SPAG16: variants seen among roughly 807,000 people sequenced by gnomAD.
SPAG16 encodes sperm associated antigen 16.
A neutral mutation model predicts 80.4 loss-of-function variants in SPAG16; 86 were observed. That is an observed-to-expected ratio of 1.07 (90% CI 0.90 to 1.28). SPAG16 has a LOEUF of 1.28. Among genes scored for constraint, SPAG16 ranks in the 50% most tolerant of loss-of-function variants. SPAG16 has a pLI of 0.00. For missense variants in SPAG16, 870 were observed against 765.3 expected, an observed-to-expected ratio of 1.14 and a Z score of -1.61; for synonymous variants, 294 against 265.9, an observed-to-expected ratio of 1.11 and a Z score of -1.03.
intron 11 of SPAG16, among the ~76,000 whole-genome samples, chr2:213,879,081 G>C (rs1003311766): frequency 2.6e-5 from 4 of 152,056 alleles, no homozygotes; most frequent in African/African-American, 9.7e-5. Flanking sequence ...GTCAGGTAAT[G>C]TGATGCCTCC....
intron 10 of SPAG16, among the ~76,000 whole-genome samples, chr2:213,834,340 A>G (rs1221937092): frequency 6.6e-6 from 1 of 152,218 alleles, no homozygotes; most frequent in Non-Finnish European, 1.5e-5. Flanking sequence ...AAATGAAAAT[A>G]TGTAGACCCA....
chr2:213,888,297 CTCCTGTTTATAAGTTAGA>C (rs1442491476), intron 11 of SPAG16, among the ~76,000 whole-genome samples: 2 of 151,838 alleles, frequency 1.3e-5, no homozygotes, highest in South Asian at 2.1e-4. Flanking sequence ...TCTGACAAAG[CTCCTGTTTATAAGTTAGA>C]GCATTCAGAG....
rs1322249043 is a variant in SPAG16, at chr2:214,407,148, C to T, written c.1721-2992C>T. Reference sequence around the variant, plus strand: ...AAATACCTTTATAAATCAATTTTGACCATTTTTATTTTTAACCTATTGGTA... The same window carrying T: ...AAATACCTTTATAAATCAATTTTGATCATTTTTATTTTTAACCTATTGGTA... On this transcript the variant is annotated intron_variant, in intron 15 of 15. Transcript: ENST00000331683. 2.0e-5 allele frequency among the ~76,000 whole-genome samples: 3 copies of T among 151,916 alleles called. No homozygotes were observed. In the East Asian group the frequency reaches 5.8e-4, roughly 29 times the overall value.
chr2:214,039,409 A>G (rs1402841521), intron 13 of SPAG16, among the ~76,000 whole-genome samples: 2 of 152,222 alleles, frequency 1.3e-5, no homozygotes, highest in African/African-American at 4.8e-5. Context: ...TCATGTCTAA[A>G]ACACCAAAAG....
At chr2:214,299,065 A>G (rs1004568549) in intron 15 of SPAG16, among the ~76,000 whole-genome samples, 18 of 152,162 alleles carry the variant, frequency 1.2e-4, no homozygotes, top group African/African-American at 4.1e-4. Flanking sequence ...TGTAAAGTGA[A>G]GTAAAAATCT....
At chr2:214,212,547 C>A (rs774857138) in intron 15 of SPAG16, among the ~76,000 whole-genome samples, 2 of 151,848 alleles carry the variant, frequency 1.3e-5, no homozygotes, top group African/African-American at 4.8e-5. Flanking sequence ...GTGATTGTGC[C>A]CTGTATCTGT....
chr2:214,043,782 A>T (rs929893354), intron 13 of SPAG16, among the ~76,000 whole-genome samples: 1 of 152,186 alleles, frequency 6.6e-6, no homozygotes, highest in Non-Finnish European at 1.5e-5. Flanking sequence ...ATTTTTTATT[A>T]AATCCCTTTG....
At chr2:214,208,108 C>T (rs939679245) in intron 15 of SPAG16, among the ~76,000 whole-genome samples, 2 of 152,204 alleles carry the variant, frequency 1.3e-5, no homozygotes, top group African/African-American at 2.4e-5. Flanking sequence ...TAATAACTCT[C>T]TTTCATATAT....
At chr2:213,592,587 G>T (rs893325775) in intron 10 of SPAG16, among the ~76,000 whole-genome samples, 7 of 152,100 alleles carry the variant, frequency 4.6e-5, no homozygotes, top group Non-Finnish European at 1.0e-4. Flanking sequence ...TCTAGTAATA[G>T]ACTAGATGAC....
At chr2:213,444,819 A>G (rs908244390) in intron 9 of SPAG16, among the ~76,000 whole-genome samples, 1 of 152,190 alleles carries the variant, frequency 6.6e-6, no homozygotes, top group African/African-American at 2.4e-5. Context: ...TGTAGTCATC[A>G]TACTACCTGG....
intron 10 of SPAG16, among the ~76,000 whole-genome samples, chr2:213,650,466 C>T (rs986343890): frequency 6.6e-6 from 1 of 152,136 alleles, no homozygotes; most frequent in African/African-American, 2.4e-5. Context: ...TCTTTAATAT[C>T]CTATAACTTA....
chr2:214,041,410 T>C (rs1397357), intron 13 of SPAG16, among the ~76,000 whole-genome samples: 64,786 of 151,030 alleles, frequency 0.43, 15,774 homozygotes, highest in South Asian at 0.66. Context: ...CTCTTTGCAC[T>C]TCTACATTTT....
At chr2:213,600,149 T>A (rs959673615) in intron 10 of SPAG16, among the ~76,000 whole-genome samples, 3 of 152,182 alleles carry the variant, frequency 2.0e-5, no homozygotes, top group African/African-American at 4.8e-5. Context: ...TTTGGCTTTA[T>A]ATAAAATATT....
chr2:213,772,080 G>A (rs185132371), intron 10 of SPAG16, among the ~76,000 whole-genome samples: 17 of 152,278 alleles, frequency 1.1e-4, no homozygotes, highest in Non-Finnish European at 2.4e-4. Flanking sequence ...TCCTGTCTGA[G>A]CATGGAATGT....
At chr2:213,506,389 G>A (rs2074970090) in intron 10 of SPAG16, among the ~76,000 whole-genome samples, 1 of 152,028 alleles carries the variant, frequency 6.6e-6, no homozygotes, top group Admixed American at 6.6e-5. Context: ...CATAATGCCA[G>A]GATATAATGT....
chr2:213,315,165 GT>G (rs1024015574), intron 4 of SPAG16, among the ~76,000 whole-genome samples: 7 of 151,174 alleles, frequency 4.6e-5, no homozygotes, highest in Non-Finnish European at 1.0e-4. Context: ...TGCTCAAATT[GT>G]TTTTTTTAAC....
intron 13 of SPAG16, among the ~76,000 whole-genome samples, chr2:214,068,851 G>T (rs1443334211): frequency 2.0e-5 from 3 of 152,000 alleles, no homozygotes; most frequent in African/African-American, 7.2e-5. Flanking sequence ...TTCTTGCTTA[G>T]TCTCATTTTT....
chr2:213,602,362 TGG>T (rs111807644), intron 10 of SPAG16, among the ~76,000 whole-genome samples: 12,809 of 152,196 alleles, frequency 0.084, 1,326 homozygotes, highest in African/African-American at 0.25. Flanking sequence ...CCGGGCACAG[TGG>T]GGCTCTCGCC....
chr2:213,611,068 G>A (rs147010827), intron 10 of SPAG16, among the ~76,000 whole-genome samples: 109 of 152,264 alleles, frequency 7.2e-4, no homozygotes, highest in African/African-American at 2.5e-3. Context: ...TCAAGATGGA[G>A]TCACTCTGGT....
Sources: gnomAD v4.1 joint callset for allele counts (sites outside exome capture counted in the v4.1 genomes callset) on GRCh38, gnomAD v4.1.1 for gene constraint, MANE v1.5 for transcripts, NCBI Gene and HGNC (gene_info 2026-07-23, HGNC 2026-07-21) for gene names.